LIPA: variants seen among roughly 807,000 people sequenced by gnomAD.
LIPA encodes lipase A, lysosomal acid type.
A neutral mutation model predicts 40.6 loss-of-function variants in LIPA; 26 were observed. That is an observed-to-expected ratio of 0.64 (90% CI 0.47 to 0.89). LIPA has a LOEUF of 0.89. Among genes scored for constraint, LIPA ranks in the 40% least tolerant of loss-of-function variants. The probability of loss-of-function intolerance (pLI) is 0.00; values close to 1 mark genes in which losing one functional copy is unlikely to be tolerated. For synonymous variants in LIPA, 188 were observed against 168.4 expected, an observed-to-expected ratio of 1.12 and a Z score of -0.90; for missense variants, 455 against 479.6, an observed-to-expected ratio of 0.95 and a Z score of 0.48.
At chr10:89,392,689 A>G (rs758453411) in intron 2 of LIPA, 8 of 1,613,996 alleles carry the variant, frequency 5.0e-6, no homozygotes, top group Non-Finnish European at 6.8e-6. Flanking sequence ...ACCCTGCAGA[A>G]CGGCTGCCTA....
intron 2 of LIPA, among the ~76,000 whole-genome samples, chr10:89,407,139 G>A (rs1436108423): frequency 6.6e-6 from 1 of 152,118 alleles, no homozygotes; most frequent in African/African-American, 2.4e-5. Context: ...TGACAGGGAG[G>A]AAAGCCATTC....
chr10:89,356,168 A>T (rs747914987), intron 2 of LIPA, among the ~76,000 whole-genome samples: 66 of 152,112 alleles, frequency 4.3e-4, no homozygotes, highest in Non-Finnish European at 7.9e-4. Flanking sequence ...CTGTAACACA[A>T]CTAAGGAACA....
At chr10:89,248,442 A>ATTT (rs1459065726) in intron 1 of LIPA, among the ~76,000 whole-genome samples, 2,393 of 136,394 alleles carry the variant, frequency 0.018, 63 homozygotes, top group Non-Finnish European at 0.023. Context: ...TTATTATTTT[A>ATTT]TATTTATTTA....
At chr10:89,302,051 A>T in intron 1 of LIPA, 1 of 1,588,544 alleles carries the variant, frequency 6.3e-7, no homozygotes, top group Non-Finnish European at 8.6e-7. Context: ...TTGGTGGCAG[A>T]AGAGGAAGAT....
chr10:89,280,963 C>T (rs1459338043), intron 1 of LIPA, among the ~76,000 whole-genome samples: 1 of 152,134 alleles, frequency 6.6e-6, no homozygotes, highest in Non-Finnish European at 1.5e-5. Context: ...AAGTCTTAAA[C>T]AAAGAAGTAC....
At chr10:89,240,547 A>G (rs1043378810) in intron 3 of LIPA, among the ~76,000 whole-genome samples, 14 of 152,342 alleles carry the variant, frequency 9.2e-5, no homozygotes, top group Non-Finnish European at 1.8e-4. Context: ...GCCTTATCAA[A>G]TTTTCACAAC....
Position 89,245,697 on chromosome 10 carries a change from T to G in LIPA, c.208A>C (p.Arg70=), listed in dbSNP as rs749770778. 1 of 1,588,048 alleles carries G rather than the reference T, an allele frequency of 6.3e-7. No homozygotes were observed. Among genetic ancestry groups the G allele is most frequent in the Non-Finnish European group, 8.6e-7 (1 of 1,156,320 alleles). ...ILCLNRIPHG[R]KNHSDKGPKP... ...ATACCTTTGTCAGAATGGTTCTTCCTCCCATGAGGAATTCGGTTAAGGCAC... is the reference window on the plus strand; with the variant it reads ...ATACCTTTGTCAGAATGGTTCTTCCGCCCATGAGGAATTCGGTTAAGGCAC... Residue 70 remains arginine (R), a synonymous_variant, in exon 3 of 10, where the codon AGG becomes CGG. Transcript: ENST00000336233.
rs571821578 is a variant in LIPA at position 89,305,701 on chromosome 10, A to G, written c.-2+36910T>C. Among the ~76,000 whole-genome samples, 11 of 152,312 alleles carry G rather than the reference A, an allele frequency of 7.2e-5. No individual in the cohort carries two copies. In the South Asian group the frequency reaches 2.3e-3, roughly 32 times the overall value. ...AGAGCTGTTTAACAAAAACTGTCTT[A>G]TTCATGAAAACCTAGCCACAGACTC... is the stretch of plus-strand genomic sequence containing the variant. On this transcript the variant is annotated intron_variant, in intron 1 of 5. Coordinates refer to the LIPA transcript ENST00000282673.
At chr10:89,384,135 A>T in intron 2 of LIPA, 1 of 1,614,204 alleles carries the variant, frequency 6.2e-7, no homozygotes, top group African/African-American at 1.3e-5. Context: ...TTGAGCTCTT[A>T]AAAATGGCCT....
At chr10:89,397,286 G>T (rs2133620614) in intron 2 of LIPA, among the ~76,000 whole-genome samples, 1 of 151,090 alleles carries the variant, frequency 6.6e-6, no homozygotes, top group South Asian at 2.1e-4. Context: ...ATTCTGAGGA[G>T]TGGAATTACT....
At chr10:89,293,255 T>C (rs545590637) in intron 1 of LIPA, among the ~76,000 whole-genome samples, 59 of 152,290 alleles carry the variant, frequency 3.9e-4, no homozygotes, top group Non-Finnish European at 7.4e-4. Context: ...TCTGCCATGA[T>C]TGCAAGTTTC....
At chr10:89,359,091 C>G (rs899338538) in intron 2 of LIPA, among the ~76,000 whole-genome samples, 1 of 152,108 alleles carries the variant, frequency 6.6e-6, no homozygotes, top group Non-Finnish European at 1.5e-5. Context: ...GGTGAGCTGC[C>G]CTTTTGTCCA....
At chr10:89,250,107 C>CTTTTTTTTTTTTTTTTTTTTTTTTTT (rs398038546) in intron 1 of LIPA, among the ~76,000 whole-genome samples, 13 of 96,074 alleles carry the variant, frequency 1.4e-4, no homozygotes, top group African/African-American at 1.8e-4. Context: ...TCTTTTCTTT[C>CTTTTTTTTTTTTTTTTTTTTTTTTTT]TTTTTTTTTT....
intron 1 of LIPA, chr10:89,332,355 T>C: frequency 1.4e-6 from 1 of 697,816 alleles, no homozygotes. Context: ...AGTGCCTTTT[T>C]ACAACTTTCA....
chr10:89,305,824 T>G, intron 1 of LIPA: 1 of 655,996 alleles, frequency 1.5e-6, no homozygotes, highest in Non-Finnish European at 2.6e-6. Flanking sequence ...GAAAAACATA[T>G]TATAGAAAGA....
chr10:89,304,685 A>C (rs1481746780), intron 1 of LIPA, among the ~76,000 whole-genome samples: 1 of 152,198 alleles, frequency 6.6e-6, no homozygotes, highest in Non-Finnish European at 1.5e-5. Flanking sequence ...GGCATAGAAT[A>C]CTATTTATCT....
At chr10:89,395,080 A>G (rs1476122611) in intron 2 of LIPA, among the ~76,000 whole-genome samples, 1 of 152,010 alleles carries the variant, frequency 6.6e-6, no homozygotes, top group African/African-American at 2.4e-5. Flanking sequence ...CCAGTTCCTC[A>G]ATGTGATTGA....
chr10:89,214,556 T>G lies in LIPA; in HGVS notation c.*272A>C. ...TAAAAACAGAATGGATATAATGACC[T>G]TTTTACACATCAGTGATATTTAAAA... On this transcript the variant is annotated 3_prime_UTR_variant, in exon 10 of 10. Transcript: ENST00000336233. 1 of 360,962 alleles carries G rather than the reference T, an allele frequency of 2.8e-6. No homozygotes were observed. The highest frequency in any genetic ancestry group is 5.1e-6 in the Non-Finnish European group (1 of 195,872). 22.4% of individuals were successfully genotyped at this position (360,962 alleles called of 1,614,324 possible). A position where few individuals can be genotyped will look rare whatever the true frequency, so the allele number is the denominator to read the frequency against.
chr10:89,297,027 G>A (rs1843419325), intron 1 of LIPA, among the ~76,000 whole-genome samples: 2 of 152,078 alleles, frequency 1.3e-5, no homozygotes, highest in African/African-American at 4.8e-5. Context: ...CCAAAATTAT[G>A]AATAGATAAT....
Sources: gnomAD v4.1 joint callset for allele counts (sites outside exome capture counted in the v4.1 genomes callset) on GRCh38, gnomAD v4.1.1 for gene constraint, MANE v1.5 for transcripts, NCBI Gene and HGNC (gene_info 2026-07-23, HGNC 2026-07-21) for gene names.